Variants in POLR3B observed in about 807,000 individuals in gnomAD.
POLR3B encodes DNA-directed RNA polymerase III subunit RPC2.
POLR3B carries 96 observed loss-of-function variants against 147.4 expected under a neutral mutation model. The ratio of observed to expected loss-of-function variants is 0.65; its 90% CI spans 0.55 to 0.77. POLR3B has a LOEUF of 0.77. POLR3B is among the 30% of genes least tolerant of loss of function. The probability of loss-of-function intolerance (pLI) is 0.00; values close to 1 mark genes in which losing one functional copy is unlikely to be tolerated. For missense variants in POLR3B, 1,036 were observed against 1,413.5 expected, an observed-to-expected ratio of 0.73 and a Z score of 4.28; for synonymous variants, 461 against 485.9, an observed-to-expected ratio of 0.95 and a Z score of 0.67.
intron 22 of POLR3B, among the ~76,000 whole-genome samples, chr12:106,460,350 G>A (rs977566025): frequency 6.6e-6 from 1 of 152,182 alleles, no homozygotes; most frequent in African/African-American, 2.4e-5. Context: ...CAGCATCCCA[G>A]GAGCTATGTT....
chr12:106,501,232 G>T, intron 25 of POLR3B, 91 bp from the exon 26 acceptor site: 1 of 794,978 alleles, frequency 1.3e-6, no homozygotes, highest in South Asian at 1.4e-5. Context: ...AGTCATAAAT[G>T]AGTAAGGACC....
chr12:106,373,685 C>T (rs187148765), intron 6 of POLR3B, among the ~76,000 whole-genome samples: 5 of 151,926 alleles, frequency 3.3e-5, no homozygotes, highest in African/African-American at 9.7e-5. Context: ...ACCCGGAAGG[C>T]GGAGGTTGCA....
Position 106,464,766 on chromosome 12 carries a change from G to A in POLR3B, c.2713+1146G>A, listed in dbSNP as rs1031416049. ...ATTTTTAATTGGTTTGAAGATAACT[G>A]CACATTGTGTTTCTGCTGATTTTAA... is the stretch of plus-strand genomic sequence containing the variant. On this transcript the variant is annotated intron_variant, in intron 23 of 27. Transcript: ENST00000228347. Among the ~76,000 whole-genome samples, 5 of 152,252 alleles carry A rather than the reference G, an allele frequency of 3.3e-5. No individual in the cohort carries two copies. In the East Asian group the frequency reaches 9.6e-4, roughly 29 times the overall value.
chr12:106,479,098 G>C (rs1032648170), intron 23 of POLR3B, among the ~76,000 whole-genome samples: 1 of 151,972 alleles, frequency 6.6e-6, no homozygotes, highest in Non-Finnish European at 1.5e-5. Flanking sequence ...CTGGGCAATT[G>C]GACACCGTCG....
rs1323821679 is a variant in POLR3B at position 106,366,676 on chromosome 12, G to A, written c.181G>A (p.Ala61Thr). ...ACTGCAGATAAAGAAGATAATGAAA[G>A]CCAATGAAAAGGTTACAAGTGACGC... The part of the protein sequence containing the change: ...INVEIKKIMK[A>T]NEKVTSDADP... Residue 61 changes from alanine to threonine, a missense_variant, in exon 4 of 28, where the codon GCC becomes ACC. Coordinates refer to ENST00000228347, the MANE Select transcript of POLR3B (RefSeq NM_018082.6). The A allele has an allele frequency of 1.9e-6, 3 of 1,613,830 alleles. No homozygotes were observed. The highest frequency in any genetic ancestry group is 2.5e-6 in the Non-Finnish European group (3 of 1,179,762).
intron 18 of POLR3B, among the ~76,000 whole-genome samples, chr12:106,443,004 T>C (rs997053807): frequency 2.0e-5 from 3 of 152,210 alleles, no homozygotes; most frequent in African/African-American, 7.2e-5. Context: ...GTACTACCCA[T>C]AGCAGAGCTG....
At chr12:106,433,898 G>GA in intron 16 of POLR3B, 26 bp downstream of exon 16, 1 of 1,590,788 alleles carries the variant, frequency 6.3e-7, no homozygotes, top group Non-Finnish European at 8.6e-7. Context: ...ACTAAAAAGA[G>GA]TTTTTAAGAA....
chr12:106,473,980 A>G (rs11503257), intron 23 of POLR3B, among the ~76,000 whole-genome samples: 52,279 of 140,566 alleles, frequency 0.37, 12,337 homozygotes, highest in African/African-American at 0.64. Context: ...TTGCCCATTC[A>G]GTATGATATT....
rs141566425 is a variant in POLR3B at position 106,392,794 on chromosome 12, T to C, written c.724-237T>C. On this transcript the variant is annotated intron_variant, in intron 9 of 27. Coordinates refer to ENST00000228347, the MANE Select transcript of POLR3B (RefSeq NM_018082.6). ...TAGAATATTTAAAAATTTTAGCAGA[T>C]AGTACACATGCAAAAAATGTTTGAG... 3.3e-5 allele frequency among the ~76,000 whole-genome samples: 5 copies of C among 152,334 alleles called. No individual in the cohort carries two copies. In the East Asian group the frequency reaches 9.6e-4, roughly 29 times the overall value.
intron 9 of POLR3B, among the ~76,000 whole-genome samples, chr12:106,391,890 A>T (rs1170647500): frequency 1.3e-5 from 2 of 152,134 alleles, no homozygotes; most frequent in African/African-American, 2.4e-5. Flanking sequence ...CTACACAATT[A>T]TCCTCTGGTT....
At chr12:106,437,010 T>A (rs2037585567) in intron 16 of POLR3B, 47 bp from the exon 17 acceptor site, 2 of 1,456,250 alleles carry the variant, frequency 1.4e-6, no homozygotes, top group Non-Finnish European at 1.9e-6. Context: ...GCCTGTGTAA[T>A]TTTTCCCTGG....
chr12:106,504,531 C>A lies in POLR3B; in HGVS notation c.3272+277C>A, dbSNP rs2038655841. Among the ~76,000 whole-genome samples, 2 of 152,164 alleles carry A rather than the reference C, an allele frequency of 1.3e-5. No individual in the cohort carries two copies. The highest frequency in any genetic ancestry group is 4.1e-4 in the South Asian group (2 of 4,824). On this transcript the variant is annotated intron_variant, in intron 27 of 27. Coordinates refer to ENST00000228347, the MANE Select transcript of POLR3B (RefSeq NM_018082.6). This position sits in a 1 kb window ranked among gnomAD's most constrained non-coding sequence, Gnocchi z 4.6. ...ATTCTCTCAGGTACTTTTTATAACACTATTTGCCTGTGAAAATCCTACAGA... is the reference window on the plus strand; with the variant it reads ...ATTCTCTCAGGTACTTTTTATAACAATATTTGCCTGTGAAAATCCTACAGA...
intron 11 of POLR3B, among the ~76,000 whole-genome samples, chr12:106,408,066 T>C (rs1432635483): frequency 6.6e-6 from 1 of 152,216 alleles, no homozygotes; most frequent in Non-Finnish European, 1.5e-5. Flanking sequence ...TTAGAAGGAA[T>C]ACAACTAGCA....
intron 23 of POLR3B, among the ~76,000 whole-genome samples, chr12:106,490,389 C>G (rs1248431474): frequency 6.6e-6 from 1 of 152,230 alleles, no homozygotes; most frequent in African/African-American, 2.4e-5. Context: ...TCAAACCATT[C>G]AACTGCTCAT....
At chr12:106,416,552 A>C (rs2037306270) in intron 12 of POLR3B, among the ~76,000 whole-genome samples, 1 of 152,176 alleles carries the variant, frequency 6.6e-6, no homozygotes, top group African/African-American at 2.4e-5. Context: ...TCCTTTTCCC[A>C]GGAGCATCCG....
chr12:106,369,574 C>T lies in POLR3B; in HGVS notation c.304-9C>T. The T allele has an allele frequency of 6.3e-7, 1 of 1,576,502 alleles. No individual in the cohort carries two copies. Among genetic ancestry groups the T allele is most frequent in the South Asian group, 1.1e-5 (1 of 90,330 alleles). ...AGCAGTAACTGTCAGATTCCTGATTCTCTTTCAGTGCCGTTTGAGAGACAT... is the reference window on the plus strand; with the variant it reads ...AGCAGTAACTGTCAGATTCCTGATTTTCTTTCAGTGCCGTTTGAGAGACAT... On this transcript the variant is annotated splice_polypyrimidine_tract_variant and intron_variant, in intron 5 of 27. Transcript: ENST00000228347.
At chr12:106,384,622 T>C (rs915607841) in intron 9 of POLR3B, among the ~76,000 whole-genome samples, 1 of 152,120 alleles carries the variant, frequency 6.6e-6, no homozygotes, top group Non-Finnish European at 1.5e-5. Flanking sequence ...GCCGTATTTT[T>C]TGTATTTTTG....
At chr12:106,436,428 A>G (rs1327209336) in intron 16 of POLR3B, among the ~76,000 whole-genome samples, 1 of 152,184 alleles carries the variant, frequency 6.6e-6, no homozygotes, top group South Asian at 2.1e-4. Flanking sequence ...ACTGAAAACC[A>G]CAAAGTAAGA....
chr12:106,510,043 A>G lies in POLR3B; in HGVS notation c.*494A>G, dbSNP rs1210078656. ...CAACAATTAAATCTTGCCTTTACAC[A>G]CCCAAACTTTGTAATTTTAGTCTTG... On this transcript the variant is annotated 3_prime_UTR_variant, in exon 28 of 28. Transcript: ENST00000228347. 5.9e-6 allele frequency: 1 copy of G among 170,504 alleles called. No homozygotes were observed. The highest frequency in any genetic ancestry group is 1.3e-5 in the Non-Finnish European group (1 of 78,720). 10.6% of individuals were successfully genotyped at this position (170,504 alleles called of 1,614,324 possible).
Sources: gnomAD v4.1 joint callset for allele counts (sites outside exome capture counted in the v4.1 genomes callset) on GRCh38, gnomAD v4.1.1 for gene constraint, Gnocchi (gnomAD v3.1) non-coding constraint, MANE v1.5 for transcripts, NCBI Gene and HGNC (gene_info 2026-07-23, HGNC 2026-07-21) for gene names.